The following TMPRSS11F variants were observed in gnomAD, a reference collection of about 807,000 sequenced individuals.
The protein encoded by TMPRSS11F is transmembrane protease serine 11F.
TMPRSS11F carries 47 observed loss-of-function variants against 60.2 expected under a neutral mutation model. The ratio of observed to expected loss-of-function variants is 0.78; its 90% CI spans 0.62 to 1.00. The LOEUF is 1.00. Ranked by LOEUF, TMPRSS11F falls within the 50% of genes least tolerant of loss-of-function variation. TMPRSS11F has a pLI of 0.00. For missense variants in TMPRSS11F, 519 were observed against 522.9 expected, an observed-to-expected ratio of 0.99 and a Z score of 0.07; for synonymous variants, 166 against 167.3, an observed-to-expected ratio of 0.99 and a Z score of 0.06.
chr4:68,112,819 T>C (rs1241019718), intron 1 of TMPRSS11F, among the ~76,000 whole-genome samples: 1 of 152,166 alleles, frequency 6.6e-6, no homozygotes, highest in East Asian at 1.9e-4. Flanking sequence ...TGCTAATAAT[T>C]ATACCTTCTC....
chr4:68,095,821 G>T (rs1287716950), intron 2 of TMPRSS11F, among the ~76,000 whole-genome samples: 2 of 149,410 alleles, frequency 1.3e-5, no homozygotes, highest in African/African-American at 4.9e-5. Flanking sequence ...GCTTGAACCC[G>T]GGAGGCAGAG....
chr4:68,073,292 G>C (rs1723517514), intron 4 of TMPRSS11F, among the ~76,000 whole-genome samples: 1 of 152,074 alleles, frequency 6.6e-6, no homozygotes, highest in African/African-American at 2.4e-5. Flanking sequence ...TTATAAAAGA[G>C]AATCATTTGA....
intron 4 of TMPRSS11F, among the ~76,000 whole-genome samples, chr4:68,073,672 C>CG (rs55649925): frequency 0.36 from 55,192 of 152,024 alleles, 12,155 homozygotes; most frequent in Non-Finnish European, 0.51. Context: ...GCTTAAGAGA[C>CG]GGGGGGAAGA....
chr4:68,063,445 C>T (rs1723248636), intron 8 of TMPRSS11F, among the ~76,000 whole-genome samples: 1 of 152,006 alleles, frequency 6.6e-6, no homozygotes, highest in African/African-American at 2.4e-5. Context: ...GGCGCAGTCT[C>T]GGCTCACTGT....
In TMPRSS11F at chr4:68,126,057, A is replaced by G. The variant is rs1015038043; in HGVS notation, c.11+3753T>C. Among the ~76,000 whole-genome samples, 6 of 152,284 alleles carry G rather than the reference A, an allele frequency of 3.9e-5. No individual in the cohort carries two copies. The South Asian group carries it at 1.2e-3, about 32-fold the overall frequency. ...ACAAAATGTTTACTTCATACTTATC[A>G]AAGTCATAATTCATATATATTTGCT... On this transcript the variant is annotated intron_variant, in intron 1 of 9. Transcript: ENST00000356291.
chr4:68,090,448 T>C lies in TMPRSS11F; in HGVS notation c.282+75A>G. On this transcript the variant is annotated intron_variant, in intron 3 of 9. Coordinates refer to ENST00000356291, the MANE Select transcript of TMPRSS11F (RefSeq NM_207407.2). The stretch of plus-strand genomic sequence containing the variant: ...TGCAAAAGAAGAAATTGAGACTAAG[T>C]TCCTATATAACACCCACATTCAAAG... 4 of 1,483,526 alleles carry C rather than the reference T, an allele frequency of 2.7e-6. No individual in the cohort carries two copies. The East Asian group carries it at 9.5e-5, about 35-fold the overall frequency. The allele number at this position is 1,483,526 out of a possible 1,614,324, so 91.9% of individuals were successfully genotyped here.
Position 68,053,743 on chromosome 4 carries a change from T to C in TMPRSS11F, c.*166A>G, listed in dbSNP as rs934239873. ...TTCCCTCATGGTAGAGAGGGTTTGG[T>C]CCTACGTATGTAAAGGCCACCTCAG... is the stretch of plus-strand genomic sequence containing the variant. On this transcript the variant is annotated 3_prime_UTR_variant, in exon 10 of 10. Transcript: ENST00000356291. 7 of 561,606 alleles carry C rather than the reference T, an allele frequency of 1.2e-5. No individual in the cohort carries two copies. The highest frequency in any genetic ancestry group is 1.9e-5 in the African/African-American group (1 of 52,830). 34.8% of individuals were successfully genotyped at this position (561,606 alleles called of 1,614,324 possible). A position where few individuals can be genotyped will look rare whatever the true frequency, so the allele number is the denominator to read the frequency against.
At position 68,091,777 on chromosome 4, in the gene TMPRSS11F, CTCTCTCTATCTA is replaced by C. The variant is rs1461006648; in HGVS notation, c.164-1148_164-1137del. On this transcript the variant is annotated intron_variant, in intron 2 of 9. Coordinates refer to ENST00000356291, the MANE Select transcript of TMPRSS11F (RefSeq NM_207407.2). The stretch of plus-strand genomic sequence containing the variant: ...TCTCTCTCTCTCTCTCTCTCTCTCT[CTCTCTCTATCTA>C]TCTATCTATCTTTTTGAGATGGAGT... Among the ~76,000 whole-genome samples the C allele has an allele frequency of 1.2e-3, 134 of 113,922 alleles. 1 individual carries two copies. The highest frequency in any genetic ancestry group is 7.0e-3 in the East Asian group (26 of 3,692). 74.7% of individuals were successfully genotyped at this position (113,922 alleles called of 152,430 possible).
At chr4:68,065,105 A>G (rs1203217306) in intron 7 of TMPRSS11F, among the ~76,000 whole-genome samples, 161 bp from the exon 8 acceptor site, 1 of 152,180 alleles carries the variant, frequency 6.6e-6, no homozygotes, top group Non-Finnish European at 1.5e-5. Flanking sequence ...TTGTTTTTAA[A>G]TTTATTACAA....
intron 1 of TMPRSS11F, among the ~76,000 whole-genome samples, chr4:68,125,818 C>T (rs1196659519): frequency 6.6e-6 from 1 of 152,150 alleles, no homozygotes; most frequent in Non-Finnish European, 1.5e-5. Context: ...TTAAGAGGTC[C>T]TGCTTAGATC....
intron 4 of TMPRSS11F, 138 bp downstream of exon 4, chr4:68,073,804 A>G (rs954691656): frequency 7.5e-6 from 4 of 536,632 alleles, no homozygotes; most frequent in Non-Finnish European, 1.3e-5. Flanking sequence ...GGAAATAAGT[A>G]GGAAACCTTG....
intron 3 of TMPRSS11F, among the ~76,000 whole-genome samples, chr4:68,077,912 C>T (rs1168509261): frequency 6.6e-6 from 1 of 152,184 alleles, no homozygotes; most frequent in Admixed American, 6.5e-5. Context: ...CCACGCCATC[C>T]CAGATGGTAG....
chr4:68,057,713 C>T (rs2109826241), intron 9 of TMPRSS11F, among the ~76,000 whole-genome samples: 1 of 152,130 alleles, frequency 6.6e-6, no homozygotes, highest in Middle Eastern at 3.4e-3. Context: ...ACTTAGATAC[C>T]TCTCAAAAGA....
chr4:68,129,125 T>G (rs1172924408), intron 1 of TMPRSS11F, among the ~76,000 whole-genome samples: 1 of 152,126 alleles, frequency 6.6e-6, no homozygotes, highest in African/African-American at 2.4e-5. Context: ...AAATCATCCA[T>G]CAAATATCAA....
intron 1 of TMPRSS11F, among the ~76,000 whole-genome samples, chr4:68,113,075 C>T (rs970363823): frequency 6.6e-6 from 1 of 151,960 alleles, no homozygotes; most frequent in African/African-American, 2.4e-5. Context: ...CAAAATTCAT[C>T]AAAAAAGAGC....
At chr4:68,070,251 AG>A (rs1301995602) in intron 5 of TMPRSS11F, among the ~76,000 whole-genome samples, 3 of 151,718 alleles carry the variant, frequency 2.0e-5, no homozygotes, top group African/African-American at 7.3e-5. Context: ...GATTTTGCTC[AG>A]GAAAAAGAAA....
chr4:68,098,839 C>T lies in TMPRSS11F; in HGVS notation c.163+48G>A, dbSNP rs753683153. On this transcript the variant is annotated intron_variant, in intron 2 of 9. Coordinates refer to ENST00000356291, the MANE Select transcript of TMPRSS11F (RefSeq NM_207407.2). ...TTATACAACAGAAAATTTCAAGATA[C>T]GAAGTCATGGAGTACTTAGGCAATG... is the stretch of plus-strand genomic sequence containing the variant. The T allele has an allele frequency of 6.2e-5, 94 of 1,513,542 alleles. No homozygotes were observed. The Middle Eastern group carries it at 2.6e-3, about 43-fold the overall frequency. 93.8% of individuals were successfully genotyped at this position (1,513,542 alleles called of 1,614,324 possible). A position where few individuals can be genotyped will look rare whatever the true frequency, so the allele number is the denominator to read the frequency against.
intron 3 of TMPRSS11F, among the ~76,000 whole-genome samples, chr4:68,076,432 T>C (rs6552145): frequency 0.72 from 109,235 of 152,118 alleles, 40,111 homozygotes; most frequent in East Asian, 0.88. Context: ...TTTCTTCCAT[T>C]AGTTGTGTGA....
chr4:68,100,511 T>C (rs1456356475), intron 1 of TMPRSS11F, among the ~76,000 whole-genome samples: 3 of 152,076 alleles, frequency 2.0e-5, no homozygotes, highest in East Asian at 1.9e-4. Flanking sequence ...GATTTAGTTG[T>C]AGTTCTTGAA....
Sources: allele counts gnomAD v4.1 joint callset (sites outside exome capture counted in the v4.1 genomes callset), GRCh38; gene constraint gnomAD v4.1.1; transcripts MANE v1.5; gene names NCBI Gene and HGNC (gene_info 2026-07-23, HGNC 2026-07-21).